Variants in THSD7B observed in about 807,000 individuals in gnomAD.
THSD7B encodes thrombospondin type-1 domain-containing protein 7B.
In THSD7B, 138 loss-of-function variants were observed where a neutral mutation model predicts 213.6. The ratio of observed to expected loss-of-function variants is 0.65; its 90% CI spans 0.56 to 0.74. THSD7B has a LOEUF of 0.74. Among genes scored for constraint, THSD7B ranks in the 30% least tolerant of loss-of-function variants. The pLI, the probability that THSD7B is intolerant of heterozygous loss-of-function variation, is 0.00. For synonymous variants in THSD7B, 742 were observed against 687.0 expected, an observed-to-expected ratio of 1.08 and a Z score of -1.25; for missense variants, 1,931 against 1,991.5, an observed-to-expected ratio of 0.97 and a Z score of 0.58.
intron 10 of THSD7B, among the ~76,000 whole-genome samples, chr2:137,253,686 T>C (rs1349367169): frequency 6.6e-6 from 1 of 152,214 alleles, no homozygotes. Context: ...TTTAGTCTTT[T>C]GATGTACTTC....
At chr2:136,795,474 A>G (rs1482208042) in intron 1 of THSD7B, among the ~76,000 whole-genome samples, 3 of 152,000 alleles carry the variant, frequency 2.0e-5, no homozygotes, top group African/African-American at 4.8e-5. Context: ...TCACATCTGC[A>G]AAGTCCGTTT....
At chr2:136,772,430 ACT>A (rs1440853864) in intron 1 of THSD7B, among the ~76,000 whole-genome samples, 111 of 152,270 alleles carry the variant, frequency 7.3e-4, no homozygotes, top group African/African-American at 2.5e-3. Context: ...ATCATAAAGA[ACT>A]AGATACATTC....
intron 13 of THSD7B, among the ~76,000 whole-genome samples, chr2:137,406,856 A>T (rs191965152): frequency 4.8e-4 from 73 of 152,344 alleles, no homozygotes; most frequent in Admixed American, 2.3e-3. Context: ...TTTATGCAAC[A>T]TTGCTTGTTT....
intron 15 of THSD7B, among the ~76,000 whole-genome samples, chr2:137,560,876 G>A (rs1437185639): frequency 6.6e-6 from 1 of 152,056 alleles, no homozygotes; most frequent in Non-Finnish European, 1.5e-5. Context: ...CTTAAAGCTG[G>A]GACTGTGACT....
chr2:136,945,113 G>T (rs907966769), intron 2 of THSD7B, among the ~76,000 whole-genome samples: 5 of 152,104 alleles, frequency 3.3e-5, no homozygotes, highest in Non-Finnish European at 7.4e-5. Context: ...GCATTTGCTT[G>T]TCTGTAAAGG....
chr2:136,938,742 G>C (rs1684772681), intron 2 of THSD7B, among the ~76,000 whole-genome samples: 2 of 152,280 alleles, frequency 1.3e-5, no homozygotes, highest in Admixed American at 1.3e-4. Context: ...TGTGGACAGA[G>C]CTTTTGAAAG....
At chr2:136,806,012 C>T (rs189026741) in intron 1 of THSD7B, among the ~76,000 whole-genome samples, 1 of 152,322 alleles carries the variant, frequency 6.6e-6, no homozygotes, top group Admixed American at 6.5e-5. Context: ...CCTTACACTG[C>T]TGTTGTCACT....
chr2:137,150,108 G>T (rs527994120), intron 5 of THSD7B, among the ~76,000 whole-genome samples: 3 of 152,122 alleles, frequency 2.0e-5, no homozygotes, highest in African/African-American at 7.2e-5. Context: ...CAGGTGTGGT[G>T]GTGCATGCCT....
chr2:137,368,672 ATG>A (rs1685475334), intron 12 of THSD7B, among the ~76,000 whole-genome samples: 1 of 152,176 alleles, frequency 6.6e-6, no homozygotes, highest in Non-Finnish European at 1.5e-5. Flanking sequence ...TAAAAAACAG[ATG>A]TGATCTAATT....
intron 12 of THSD7B, among the ~76,000 whole-genome samples, chr2:137,387,821 G>A (rs549589035): frequency 6.6e-6 from 1 of 152,170 alleles, no homozygotes; most frequent in African/African-American, 2.4e-5. Flanking sequence ...CATTCAAGAT[G>A]GAAGTGTCTA....
chr2:137,023,531 A>C (rs986872087), intron 2 of THSD7B, among the ~76,000 whole-genome samples: 1 of 152,172 alleles, frequency 6.6e-6, no homozygotes, highest in Admixed American at 6.5e-5. Context: ...ATTAAAGCTA[A>C]AATTAAAGGG....
chr2:137,278,416 T>C (rs930617263), intron 12 of THSD7B, among the ~76,000 whole-genome samples: 1 of 152,146 alleles, frequency 6.6e-6, no homozygotes, highest in Non-Finnish European at 1.5e-5. Flanking sequence ...TGAGAATATT[T>C]TCAACCAAGA....
At chr2:137,637,029 A>C (rs7601101) in intron 20 of THSD7B, among the ~76,000 whole-genome samples, 57,749 of 152,040 alleles carry the variant, frequency 0.38, 13,000 homozygotes, top group African/African-American at 0.63. Flanking sequence ...TGTTCCATAC[A>C]ACACCATAAT....
intron 16 of THSD7B, among the ~76,000 whole-genome samples, chr2:137,569,299 C>G (rs1175945441): frequency 6.6e-6 from 1 of 152,192 alleles, no homozygotes; most frequent in African/African-American, 2.4e-5. Context: ...TAAGATAATA[C>G]AGTTCCATGG....
intron 5 of THSD7B, among the ~76,000 whole-genome samples, chr2:137,153,137 A>AT (rs968156990): frequency 1.3e-5 from 2 of 152,026 alleles, no homozygotes; most frequent in Admixed American, 1.3e-4. Flanking sequence ...AGGCTACTAT[A>AT]TTTTTTTCCT....
intron 2 of THSD7B, among the ~76,000 whole-genome samples, chr2:137,008,181 A>G (rs978449493): frequency 6.6e-6 from 1 of 152,152 alleles, no homozygotes; most frequent in Non-Finnish European, 1.5e-5. Context: ...TTTGCAACAG[A>G]AAGTGAAAAG....
intron 2 of THSD7B, among the ~76,000 whole-genome samples, chr2:136,903,026 C>G (rs929001248): frequency 6.6e-6 from 1 of 152,182 alleles, no homozygotes; most frequent in African/African-American, 2.4e-5. Flanking sequence ...CCCAGTTGTG[C>G]CTCCCTGCTG....
rs993916653 is a variant in THSD7B at position 137,123,813 on chromosome 2, ATT to A, written c.1369+8522_1369+8523del. On this transcript the variant is annotated intron_variant, in intron 5 of 27. Coordinates refer to ENST00000409968, the MANE Select transcript of THSD7B (RefSeq NM_001316349.2). ...CATTTCTCTTCCTCTTCTTTTATGT[ATT>A]TCTCTTTCTCATCACCCAATATTTC... Among the ~76,000 whole-genome samples the A allele has an allele frequency of 1.3e-4, 19 of 151,168 alleles. 1 individual carries two copies. The highest frequency in any genetic ancestry group is 9.9e-4 in the Admixed American group (15 of 15,182).
intron 7 of THSD7B, among the ~76,000 whole-genome samples, chr2:137,208,473 C>G (rs1681033341): frequency 6.6e-6 from 1 of 151,976 alleles, no homozygotes; most frequent in Non-Finnish European, 1.5e-5. Flanking sequence ...CCAGGAAAGG[C>G]CTACGCAAAA....
Sources: gnomAD v4.1 joint callset for allele counts (sites outside exome capture counted in the v4.1 genomes callset) on GRCh38, gnomAD v4.1.1 for gene constraint, MANE v1.5 for transcripts, NCBI Gene and HGNC (gene_info 2026-07-23, HGNC 2026-07-21) for gene names.